The following NEGR1 variants were observed in gnomAD, a reference collection of about 807,000 sequenced individuals.
The protein encoded by NEGR1 is neuronal growth regulator 1.
Under a neutral mutation model 40.9 loss-of-function variants are expected in NEGR1, and 10 were observed. That is an observed-to-expected ratio of 0.24 (90% CI 0.15 to 0.42). The LOEUF (loss-of-function observed/expected upper bound fraction) is 0.42, where lower values mean the gene tolerates loss of function less well. Among genes scored for constraint, NEGR1 ranks in the 10% least tolerant of loss-of-function variants. The pLI, the probability that NEGR1 is intolerant of heterozygous loss-of-function variation, is 1.00. For synonymous variants in NEGR1, 185 were observed against 166.8 expected, an observed-to-expected ratio of 1.11 and a Z score of -0.84; for missense variants, 352 against 438.9, an observed-to-expected ratio of 0.80 and a Z score of 1.77.
At chr1:72,048,883 C>T (rs1349468678) in intron 1 of NEGR1, among the ~76,000 whole-genome samples, 7 of 151,492 alleles carry the variant, frequency 4.6e-5, no homozygotes, top group African/African-American at 1.7e-4. Flanking sequence ...TATTACAATC[C>T]TTATACCACT....
intron 1 of NEGR1, among the ~76,000 whole-genome samples, chr1:72,222,369 G>A (rs1210813292): frequency 6.6e-6 from 1 of 152,124 alleles, no homozygotes; most frequent in Non-Finnish European, 1.5e-5. Context: ...TCTGTGAAGG[G>A]CTTTCCCAAA....
Position 71,750,283 on chromosome 1 carries a change from G to A in NEGR1, c.535+25889C>T, listed in dbSNP as rs570513751. ...GCTGGGATTACAGGCGTGAGCCACCGCGCCCGGCCCTGCTCCTTTCTTTTG... is the reference window on the plus strand; with the variant it reads ...GCTGGGATTACAGGCGTGAGCCACCACGCCCGGCCCTGCTCCTTTCTTTTG... On this transcript the variant is annotated intron_variant, in intron 3 of 6. Transcript: ENST00000357731. Among the ~76,000 whole-genome samples, 34 of 152,238 alleles carry A rather than the reference G, an allele frequency of 2.2e-4. 1 individual carries two copies. In the South Asian group the frequency reaches 5.6e-3, roughly 25 times the overall value.
chr1:71,409,982 G>C (rs892555591), intron 6 of NEGR1, among the ~76,000 whole-genome samples: 14 of 151,954 alleles, frequency 9.2e-5, no homozygotes, highest in Admixed American at 5.2e-4. Flanking sequence ...AGATATGTAT[G>C]ATCCTTTTAT....
chr1:72,073,862 C>T (rs12409966), intron 1 of NEGR1, among the ~76,000 whole-genome samples: 58,100 of 151,338 alleles, frequency 0.38, 12,109 homozygotes, highest in East Asian at 0.6. Context: ...AATGACATAG[C>T]TGTAGGATTT....
intron 2 of NEGR1, among the ~76,000 whole-genome samples, chr1:71,842,609 T>C (rs1219447573): frequency 6.6e-6 from 1 of 152,218 alleles, no homozygotes; most frequent in African/African-American, 2.4e-5. Flanking sequence ...AACACTTTCT[T>C]GCATGCATTT....
intron 1 of NEGR1, among the ~76,000 whole-genome samples, chr1:72,171,216 C>T (rs11209930): frequency 0.085 from 13,001 of 152,100 alleles, 1,849 homozygotes; most frequent in African/African-American, 0.3. Context: ...AAAGAACAAA[C>T]AGCCATCCAA....
chr1:71,448,472 G>A (rs1045289080), intron 6 of NEGR1, among the ~76,000 whole-genome samples: 13 of 152,238 alleles, frequency 8.5e-5, no homozygotes, highest in Admixed American at 5.9e-4. Flanking sequence ...GGTGGCATAC[G>A]CCTGTAGTCC....
intron 1 of NEGR1, among the ~76,000 whole-genome samples, chr1:71,957,346 A>G (rs986963831): frequency 3.9e-5 from 6 of 152,164 alleles, no homozygotes; most frequent in Non-Finnish European, 7.4e-5. Context: ...ATTCAGGTAA[A>G]GTGAAACTCT....
In NEGR1 at chr1:71,759,287, CTTTTTTT is replaced by C. The variant is rs759687500; in HGVS notation, c.535+16878_535+16884del. On this transcript the variant is annotated intron_variant, in intron 3 of 6. Coordinates refer to ENST00000357731, the MANE Select transcript of NEGR1 (RefSeq NM_173808.3). ...AAGGTTGCATTTTCCAAGATTATAA[CTTTTTTT>C]TTTTTTTTTTTTTTTTTTTTTGAGA... Among the ~76,000 whole-genome samples the C allele has an allele frequency of 3.1e-4, 26 of 85,210 alleles. 1 individual carries two copies. The highest frequency in any genetic ancestry group is 1.3e-3 in the East Asian group (3 of 2,288). The allele number at this position is 85,210 out of a possible 152,430, so 55.9% of individuals were successfully genotyped here. A position where few individuals can be genotyped will look rare whatever the true frequency, so the allele number is the denominator to read the frequency against.
intron 3 of NEGR1, among the ~76,000 whole-genome samples, chr1:71,762,799 G>C (rs1392401589): frequency 6.6e-6 from 1 of 152,116 alleles, no homozygotes; most frequent in Non-Finnish European, 1.5e-5. Flanking sequence ...AAAATAGAAT[G>C]TTAAATAATG....
intron 4 of NEGR1, among the ~76,000 whole-genome samples, chr1:71,651,040 T>C (rs2101582043): frequency 6.6e-6 from 1 of 152,280 alleles, no homozygotes; most frequent in South Asian, 2.1e-4. Context: ...TTTATCTCTT[T>C]TCTTGGCTGA....
At chr1:71,534,499 T>C (rs1031837867) in intron 6 of NEGR1, among the ~76,000 whole-genome samples, 1 of 151,596 alleles carries the variant, frequency 6.6e-6, no homozygotes, top group African/African-American at 2.4e-5. Flanking sequence ...AGATCTGGCA[T>C]GAAAGAATAT....
At chr1:71,774,288 A>G (rs1656426909) in intron 3 of NEGR1, among the ~76,000 whole-genome samples, 1 of 152,182 alleles carries the variant, frequency 6.6e-6, no homozygotes. Flanking sequence ...AATTTGCTGC[A>G]CTTATACCCC....
chr1:71,948,576 T>C (rs1314059465), intron 1 of NEGR1, among the ~76,000 whole-genome samples: 1 of 151,894 alleles, frequency 6.6e-6, no homozygotes, highest in East Asian at 1.9e-4. Context: ...TATTATTACA[T>C]GTATAGTAAA....
At chr1:71,913,657 C>A (rs1177608601) in intron 2 of NEGR1, among the ~76,000 whole-genome samples, 1 of 152,102 alleles carries the variant, frequency 6.6e-6, no homozygotes, top group Non-Finnish European at 1.5e-5. Flanking sequence ...TCTTTCTATT[C>A]ATTTTACCCT....
rs2821263 is a variant in NEGR1, at chr1:72,081,719, G to C, written c.177-146408C>G. 2.7e-4 allele frequency among the ~76,000 whole-genome samples: 41 copies of C among 152,024 alleles called. No homozygotes were observed. The Middle Eastern group carries it at 0.01, about 38-fold the overall frequency. On this transcript the variant is annotated intron_variant, in intron 1 of 6. Transcript: ENST00000357731. ...AAAAAACTGAGGCCTAGAAGTTTTTGTGCTTTGTTTTAGTTAACATGGCTA... is the reference window on the plus strand; with the variant it reads ...AAAAAACTGAGGCCTAGAAGTTTTTCTGCTTTGTTTTAGTTAACATGGCTA...
chr1:72,232,333 G>A (rs759331842), intron 1 of NEGR1, among the ~76,000 whole-genome samples: 2 of 150,786 alleles, frequency 1.3e-5, no homozygotes, highest in Non-Finnish European at 3.0e-5. Context: ...TCCAGCCTGG[G>A]TGACAGAGCC....
chr1:71,949,169 T>C (rs1646047226), intron 1 of NEGR1, among the ~76,000 whole-genome samples: 1 of 152,144 alleles, frequency 6.6e-6, no homozygotes, highest in African/African-American at 2.4e-5. Context: ...AAAATGGGGA[T>C]ATGAATACGC....
intron 1 of NEGR1, among the ~76,000 whole-genome samples, chr1:72,165,500 A>G (rs894297021): frequency 6.6e-6 from 1 of 152,008 alleles, no homozygotes; most frequent in African/African-American, 2.4e-5. Flanking sequence ...GGAATTCTGG[A>G]GAGGATGAAG....
Sources: gnomAD v4.1 joint callset for allele counts (sites outside exome capture counted in the v4.1 genomes callset) on GRCh38, gnomAD v4.1.1 for gene constraint, MANE v1.5 for transcripts, NCBI Gene and HGNC (gene_info 2026-07-23, HGNC 2026-07-21) for gene names.